The following POLR2B variants were observed in gnomAD, a reference collection of about 807,000 sequenced individuals.
POLR2B encodes RNA polymerase II subunit B, also known as DNA-directed RNA polymerase II subunit RPB2.
POLR2B carries 57 observed loss-of-function variants against 144.6 expected under a neutral mutation model. The observed-to-expected ratio is 0.39, with a 90% CI of 0.32 to 0.49. The LOEUF (loss-of-function observed/expected upper bound fraction) is 0.49, where lower values mean the gene tolerates loss of function less well. Among genes scored for constraint, POLR2B ranks in the 20% least tolerant of loss-of-function variants. The pLI, the probability that POLR2B is intolerant of heterozygous loss-of-function variation, is 0.83. For missense variants in POLR2B, 595 were observed against 1,467.4 expected (o/e 0.41, Z 9.71); for synonymous variants, 442 against 469.8 (o/e 0.94, Z 0.77).
intron 2 of POLR2B, among the ~76,000 whole-genome samples, chr4:56,987,984 G>T (rs1159576355): frequency 6.6e-6 from 1 of 152,158 alleles, no homozygotes; most frequent in Non-Finnish European, 1.5e-5. Flanking sequence ...CCAGCTACCT[G>T]GGAGGCTGAG....
chr4:57,026,566 T>C lies in POLR2B; in HGVS notation c.3239+1029T>C, dbSNP rs6834612. On this transcript the variant is annotated intron_variant, in intron 23 of 24. Transcript: ENST00000314595. The stretch of plus-strand genomic sequence containing the variant: ...AAAGCTGAGATTTTAAATTTATTGT[T>C]TTAAAAATGCTAATAAGCTCATTAC... Among the ~76,000 whole-genome samples, 1,027 of 152,216 alleles carry C rather than the reference T, an allele frequency of 6.7e-3. 7 individuals carry two copies. The highest frequency in any genetic ancestry group is 0.023 in the African/African-American group (973 of 41,538).
intron 1 of POLR2B, among the ~76,000 whole-genome samples, chr4:56,980,539 T>G (rs1722125761): frequency 6.6e-6 from 1 of 152,030 alleles, no homozygotes; most frequent in Admixed American, 6.6e-5. Flanking sequence ...CTGGGCAACA[T>G]GGGAGACCCC....
chr4:56,998,889 G>A (rs1722769070), intron 6 of POLR2B, among the ~76,000 whole-genome samples: 1 of 152,172 alleles, frequency 6.6e-6, no homozygotes, highest in Non-Finnish European at 1.5e-5. Flanking sequence ...GTGGTGGGAG[G>A]AGGAAGATGA....
chr4:57,009,254 C>T (rs1476809477), intron 10 of POLR2B, among the ~76,000 whole-genome samples: 1 of 152,140 alleles, frequency 6.6e-6, no homozygotes, highest in African/African-American at 2.4e-5. Context: ...GAGGTGGTAT[C>T]ATTTCACCAG....
chr4:57,015,456 A>G lies in POLR2B; in HGVS notation c.1801-46A>G, dbSNP rs180806662. 8.6e-4 allele frequency: 919 copies of G among 1,065,078 alleles called. 9 individuals are homozygous for G. The African/African-American group carries it at 0.014, about 16-fold the overall frequency. The allele number at this position is 1,065,078 out of a possible 1,614,324, so 66.0% of individuals were successfully genotyped here. A position where few individuals can be genotyped will look rare whatever the true frequency, so the allele number is the denominator to read the frequency against. ...TATTTTTAACTAAGCCTAATAATAA[A>G]GAGAAAATAAAAATTTGTGGAACTG... is the stretch of plus-strand genomic sequence containing the variant. On this transcript the variant is annotated intron_variant, in intron 13 of 24. Transcript: ENST00000314595.
In POLR2B at chr4:57,031,133, T is replaced by A. The variant is rs1176022012; in HGVS notation, c.*145T>A. On this transcript the variant is annotated 3_prime_UTR_variant, in exon 25 of 25. Coordinates refer to ENST00000314595, the MANE Select transcript of POLR2B (RefSeq NM_000938.3). ...GATATGCATGCTTTTCTTCTGTAAA[T>A]ATATAATAAATTTTTGTAGATAGTC... 1 of 711,728 alleles carries A rather than the reference T, an allele frequency of 1.4e-6. No individual in the cohort carries two copies. Among genetic ancestry groups the A allele is most frequent in the Admixed American group, 2.7e-5 (1 of 36,840 alleles). 44.1% of individuals were successfully genotyped at this position (711,728 alleles called of 1,614,324 possible).
intron 8 of POLR2B, 71 bp downstream of exon 8, chr4:57,005,513 A>G (rs1722988932): frequency 1.3e-6 from 2 of 1,501,962 alleles, no homozygotes; most frequent in South Asian, 1.3e-5. Context: ...CTTAGAGTCA[A>G]AAATGATGTT....
Position 57,017,196 on chromosome 4 carries a change from C to A in POLR2B, c.2109C>A (p.Ile703=). 1 of 1,613,146 alleles carries A rather than the reference C, an allele frequency of 6.2e-7. No individual in the cohort carries two copies. Residue 703 remains isoleucine (I), a synonymous_variant, in exon 15 of 25, where the codon ATC becomes ATA. Transcript: ENST00000314595. The surrounding 1 kb of genome is among the most constrained non-coding windows in gnomAD (Gnocchi z 4.8). ...ACTGTGAGATTCATCCCTCAATGAT[C>A]CTTGGTGTCTGTGCATCTATTATTC... ...YTHCEIHPSM[I]LGVCASIIPF...
At chr4:56,982,885 C>T (rs192436443) in intron 1 of POLR2B, among the ~76,000 whole-genome samples, 4 of 152,148 alleles carry the variant, frequency 2.6e-5, no homozygotes, top group Admixed American at 2.6e-4. Flanking sequence ...AAACCGAAAG[C>T]CTGGGCATCA....
Position 56,979,027 on chromosome 4 carries a change from C to A in POLR2B, c.19+23C>A, listed in dbSNP as rs984684869. ...AGGGTAGGTGAACGCTCAAAACACACGCCGTGGCGGTCCATTTAAGCAGGA... is the reference window on the plus strand; with the variant it reads ...AGGGTAGGTGAACGCTCAAAACACAAGCCGTGGCGGTCCATTTAAGCAGGA... On this transcript the variant is annotated intron_variant, in intron 1 of 24. Coordinates refer to ENST00000314595, the MANE Select transcript of POLR2B (RefSeq NM_000938.3). The A allele has an allele frequency of 1.9e-6, 3 of 1,611,068 alleles. No individual in the cohort carries two copies. In the African/African-American group the frequency reaches 4.0e-5, roughly 22 times the overall value.
At chr4:57,004,647 CT>C (rs1288517494) in intron 7 of POLR2B, among the ~76,000 whole-genome samples, 1 of 152,136 alleles carries the variant, frequency 6.6e-6, no homozygotes, top group Non-Finnish European at 1.5e-5. Context: ...ATATCTGGAA[CT>C]TTATTTTTCC....
chr4:57,024,403 A>T (rs80304676), intron 21 of POLR2B, among the ~76,000 whole-genome samples: 1 of 152,206 alleles, frequency 6.6e-6, no homozygotes, highest in Non-Finnish European at 1.5e-5. Flanking sequence ...GGAGAGTTCA[A>T]TGTGAACTTA....
At chr4:57,030,475 G>T in intron 24 of POLR2B, 76 bp downstream of exon 24, 1 of 1,082,292 alleles carries the variant, frequency 9.2e-7, no homozygotes, top group Non-Finnish European at 1.3e-6. Flanking sequence ...GGCAGAATTA[G>T]TGTGGCAGAA....
chr4:57,025,772 GCA>G (rs1723696985), intron 23 of POLR2B, among the ~76,000 whole-genome samples: 1 of 151,940 alleles, frequency 6.6e-6, no homozygotes, highest in East Asian at 1.9e-4. Context: ...GAGTGCAGTG[GCA>G]TGCCCACAGC....
At position 56,978,933 on chromosome 4, in the gene POLR2B, C is replaced by G. The variant is rs896561545; in HGVS notation, c.-53C>G. On this transcript the variant is annotated 5_prime_UTR_variant, in exon 1 of 25. Coordinates refer to ENST00000314595, the MANE Select transcript of POLR2B (RefSeq NM_000938.3). ...GCTCCTGGCGCTGCTGGCTTCTGGG[C>G]GGTTTTTGTCTTTTGATTTCAAGAG... 1.9e-6 allele frequency: 3 copies of G among 1,576,178 alleles called. No homozygotes were observed. Among genetic ancestry groups the G allele is most frequent in the African/African-American group, 1.3e-5 (1 of 74,164 alleles).
intron 7 of POLR2B, among the ~76,000 whole-genome samples, chr4:57,000,795 A>G (rs1237961000): frequency 6.6e-6 from 1 of 151,462 alleles, no homozygotes; most frequent in Non-Finnish European, 1.5e-5. Flanking sequence ...TCCCAGGTTC[A>G]AGTGATTCTC....
Position 57,011,105 on chromosome 4 carries a change from G to C in POLR2B, c.1800+5G>C. On this transcript the variant is annotated splice_donor_5th_base_variant and intron_variant, in intron 13 of 24. Transcript: ENST00000314595. Reference sequence around the variant, plus strand: ...ATGGACATCATTGTGTCTGAAGTAAGAATCTTTAGTTAAGAGGGTGTGGAC... The same window carrying C: ...ATGGACATCATTGTGTCTGAAGTAACAATCTTTAGTTAAGAGGGTGTGGAC... 1.9e-6 allele frequency: 3 copies of C among 1,567,852 alleles called. No homozygotes were observed. The highest frequency in any genetic ancestry group is 2.6e-6 in the Non-Finnish European group (3 of 1,137,726).
At chr4:57,024,827 G>A in intron 21 of POLR2B, 59 bp from the exon 22 acceptor site, 1 of 802,950 alleles carries the variant, frequency 1.2e-6, no homozygotes, top group Non-Finnish European at 2.0e-6. Flanking sequence ...TTATTGATAT[G>A]ACTTTTAGGG....
intron 3 of POLR2B, among the ~76,000 whole-genome samples, chr4:56,992,647 C>T (rs935155041): frequency 2.0e-5 from 3 of 149,742 alleles, no homozygotes; most frequent in South Asian, 2.2e-4. Flanking sequence ...GCAGGCTCCG[C>T]CTTCCGGGTT....
Sources: gnomAD v4.1 joint callset for allele counts (sites outside exome capture counted in the v4.1 genomes callset) on GRCh38, gnomAD v4.1.1 for gene constraint, Gnocchi (gnomAD v3.1) non-coding constraint, MANE v1.5 for transcripts, NCBI Gene and HGNC (gene_info 2026-07-23, HGNC 2026-07-21) for gene names.